RYR3: variants seen among roughly 807,000 people sequenced by gnomAD.
The protein encoded by RYR3 is ryanodine receptor 3, also known as brain ryanodine receptor-calcium release channel.
A neutral mutation model predicts 584.3 loss-of-function variants in RYR3; 207 were observed. The ratio of observed to expected loss-of-function variants is 0.35; its 90% CI spans 0.32 to 0.40. The LOEUF (loss-of-function observed/expected upper bound fraction) is 0.40. RYR3 is among the 10% of genes least tolerant of loss of function. RYR3 has a pLI of 1.00. For synonymous variants in RYR3, 2,416 were observed against 2,248.5 expected (o/e 1.07, Z -2.11); for missense variants, 5,616 against 6,089.2 (o/e 0.92, Z 2.59).
chr15:33,785,838 G>A lies in RYR3; in HGVS notation c.9445G>A (p.Gly3149Ser), dbSNP rs759037751. 3.7e-6 allele frequency: 6 copies of A among 1,613,834 alleles called. No homozygotes were observed. The highest frequency in any genetic ancestry group is 5.1e-6 in the Non-Finnish European group (6 of 1,179,850). ...CTACTTGTCCTACTGGTGGGAGCGG[G>A]GTCCTGAGAACCTGCCCCCCAGCAC... ...CNYLSYWWER[G>S]PENLPPSTGP... is the part of the protein sequence containing the mutation. Residue 3149 changes from glycine to serine, a missense_variant, in exon 66 of 104, where the codon GGT becomes AGT. Gly to Ser is a moderately conservative substitution (Grantham distance 56). Coordinates refer to ENST00000634891, the MANE Select transcript of RYR3 (RefSeq NM_001036.6).
intron 60 of RYR3, among the ~76,000 whole-genome samples, chr15:33,764,556 TC>T (rs1401792269): frequency 1.3e-5 from 2 of 149,550 alleles, no homozygotes; most frequent in Non-Finnish European, 3.0e-5. Flanking sequence ...TGCACATGTG[TC>T]CCAGAACTTA....
intron 1 of RYR3, among the ~76,000 whole-genome samples, chr15:33,446,021 C>T (rs1198612738): frequency 6.6e-6 from 1 of 152,072 alleles, no homozygotes; most frequent in Non-Finnish European, 1.5e-5. Flanking sequence ...TGTGATTGTC[C>T]AGATTTGATT....
intron 67 of RYR3, among the ~76,000 whole-genome samples, chr15:33,798,890 C>T (rs760238286): frequency 1.2e-3 from 177 of 152,258 alleles, no homozygotes; most frequent in Non-Finnish European, 1.9e-3. Context: ...TCATGAGTCT[C>T]TACATTTCTT....
Position 33,412,593 on chromosome 15 carries a change from G to A in RYR3, c.52-60826G>A, listed in dbSNP as rs2043488162. 6.6e-6 allele frequency among the ~76,000 whole-genome samples: 1 copy of A among 152,092 alleles called. No homozygotes were observed. Among genetic ancestry groups the A allele is most frequent in the Non-Finnish European group, 1.5e-5 (1 of 68,032 alleles). ...TTCTGGGTCTAGGGTTTGTCACCAG[G>A]CCCAGAAATATGGGACTCAGGCCTC... On this transcript the variant is annotated intron_variant, in intron 1 of 103. Transcript: ENST00000634891. This position sits in a 1 kb window ranked among gnomAD's most constrained non-coding sequence, Gnocchi z 4.3.
chr15:33,775,698 T>C (rs1304454873), intron 64 of RYR3, among the ~76,000 whole-genome samples: 1 of 152,230 alleles, frequency 6.6e-6, no homozygotes, highest in East Asian at 1.9e-4. Context: ...GTCCAAGTTA[T>C]GAGAATGGCA....
At chr15:33,318,415 T>C (rs907866652) in intron 1 of RYR3, among the ~76,000 whole-genome samples, 2 of 152,184 alleles carry the variant, frequency 1.3e-5, no homozygotes, top group South Asian at 4.1e-4. Flanking sequence ...AATGCTGAAA[T>C]GCAAAGTTGT....
chr15:33,859,113 A>G, intron 99 of RYR3: 1 of 155,958 alleles, frequency 6.4e-6, no homozygotes, highest in East Asian at 1.9e-4. Flanking sequence ...CAGGAGGAGC[A>G]GAAAAGTCCA....
chr15:33,750,081 A>G, intron 56 of RYR3, 27 bp downstream of exon 56: 3 of 1,608,994 alleles, frequency 1.9e-6, no homozygotes, highest in Non-Finnish European at 2.5e-6. Context: ...GCATCCCCTA[A>G]AGAAGCTGAA....
chr15:33,771,293 T>C (rs939930645), intron 62 of RYR3, among the ~76,000 whole-genome samples: 1 of 152,184 alleles, frequency 6.6e-6, no homozygotes, highest in African/African-American at 2.4e-5. Context: ...CCCAGCACTT[T>C]GGGAGGCCAA....
In RYR3 at chr15:33,853,057, TAA is replaced by T. The variant is rs750594003; in HGVS notation, c.13642_13643del (p.Asn4548LeufsTer25). 1 of 1,607,194 alleles carries T rather than the reference TAA, an allele frequency of 6.2e-7. No homozygotes were observed. The highest frequency in any genetic ancestry group is 8.5e-7 in the Non-Finnish European group (1 of 1,177,244). The stretch of plus-strand genomic sequence containing the variant: ...TTTTGTTTTTCAGATCTTTTCCTAA[TAA>T]CTACTGGGACAAGTTTGTAAAGAGA... ...LVINTPSFPN[N>X]YWDKFVKRKV... is the part of the protein sequence containing the mutation. On this transcript the variant is annotated frameshift_variant, in exon 95 of 104. Transcript: ENST00000634891. LOFTEE classifies it high-confidence loss of function.
intron 28 of RYR3, among the ~76,000 whole-genome samples, chr15:33,645,110 T>C (rs2062028937): frequency 6.6e-6 from 1 of 152,238 alleles, no homozygotes; most frequent in Non-Finnish European, 1.5e-5. Flanking sequence ...ACTCATGACT[T>C]GATGTCTTGT....
chr15:33,783,839 A>G (rs2074541813), intron 65 of RYR3, among the ~76,000 whole-genome samples: 1 of 152,220 alleles, frequency 6.6e-6, no homozygotes, highest in Admixed American at 6.5e-5. Flanking sequence ...GTCCTGCTGC[A>G]AGATGCAGGA....
intron 22 of RYR3, among the ~76,000 whole-genome samples, chr15:33,630,691 A>G (rs1187740446): frequency 1.3e-5 from 2 of 152,252 alleles, no homozygotes; most frequent in Non-Finnish European, 2.9e-5. Context: ...TTTTAAGCAC[A>G]GCTCATGCCC....
At chr15:33,734,679 TTTTTTTTTC>T (rs1296422866) in intron 48 of RYR3, among the ~76,000 whole-genome samples, 5 of 101,276 alleles carry the variant, frequency 4.9e-5, no homozygotes, top group Non-Finnish European at 7.9e-5. Context: ...AGAAATTCGA[TTTTTTTTTC>T]TTTTTTTTTT....
intron 38 of RYR3, among the ~76,000 whole-genome samples, chr15:33,674,122 A>G (rs1445598900): frequency 6.6e-6 from 1 of 152,208 alleles, no homozygotes; most frequent in Admixed American, 6.5e-5. Context: ...TTGCCTATTC[A>G]CTGAACAGCC....
At chr15:33,374,919 A>AGT (rs1396163637) in intron 1 of RYR3, among the ~76,000 whole-genome samples, 2 of 152,210 alleles carry the variant, frequency 1.3e-5, no homozygotes, top group African/African-American at 4.8e-5. Context: ...TAAATTTAAA[A>AGT]GTGCTGCTAT....
intron 26 of RYR3, 131 bp downstream of exon 26, chr15:33,635,950 A>G (rs1184894818): frequency 1.4e-5 from 10 of 736,614 alleles, no homozygotes; most frequent in Non-Finnish European, 2.0e-5. Context: ...TAATGTAGAC[A>G]TTGAATGGGC....
At chr15:33,334,562 C>A (rs1261133617) in intron 1 of RYR3, among the ~76,000 whole-genome samples, 1 of 152,040 alleles carries the variant, frequency 6.6e-6, no homozygotes. Context: ...AATGTAAAAC[C>A]CAAAAACTAT....
chr15:33,413,882 A>G (rs944152608), intron 1 of RYR3, among the ~76,000 whole-genome samples: 4 of 152,210 alleles, frequency 2.6e-5, no homozygotes, highest in Non-Finnish European at 1.5e-5. Context: ...GTATTGTCAT[A>G]TTTATATTTG....
Sources: allele counts gnomAD v4.1 joint callset (sites outside exome capture counted in the v4.1 genomes callset), GRCh38; gene constraint gnomAD v4.1.1; non-coding constraint Gnocchi (gnomAD v3.1); transcripts MANE v1.5; gene names NCBI Gene and HGNC (gene_info 2026-07-23, HGNC 2026-07-21).